Variants in FBXL17 observed in about 807,000 individuals in gnomAD.
The protein encoded by FBXL17 is F-box and leucine rich repeat protein 17, also known as F-box/LRR-repeat protein 17.
Under a neutral mutation model 66.2 loss-of-function variants are expected in FBXL17, and 22 were observed. That is an observed-to-expected ratio of 0.33 (90% CI 0.24 to 0.47). FBXL17 has a LOEUF of 0.47. FBXL17 is among the 20% of genes least tolerant of loss of function. The pLI, the probability that FBXL17 is intolerant of heterozygous loss-of-function variation, is 1.00. For missense variants in FBXL17, 878 were observed against 948.2 expected (o/e 0.93, Z 0.97); for synonymous variants, 474 against 400.5 (o/e 1.18, Z -2.19).
chr5:108,234,065 T>C (rs1428868994), intron 4 of FBXL17, among the ~76,000 whole-genome samples: 1 of 152,004 alleles, frequency 6.6e-6, no homozygotes, highest in Non-Finnish European at 1.5e-5. Flanking sequence ...GTGGCAGAAA[T>C]GGCCATATAT....
At chr5:108,162,063 A>G (rs1326442934) in intron 6 of FBXL17, among the ~76,000 whole-genome samples, 1 of 152,266 alleles carries the variant, frequency 6.6e-6, no homozygotes, top group African/African-American at 2.4e-5. Flanking sequence ...TTATTGCTAA[A>G]TTATAAACTC....
chr5:107,871,069 A>AAAAAAAAAAAAAAAAAAAAAAAC (rs1456052737), intron 8 of FBXL17, among the ~76,000 whole-genome samples: 70 of 130,200 alleles, frequency 5.4e-4, no homozygotes, highest in African/African-American at 2.2e-3. Flanking sequence ...AAAAAAAAAA[A>AAAAAAAAAAAAAAAAAAAAAAAC]AAAAAAAAAA....
intron 3 of FBXL17, among the ~76,000 whole-genome samples, chr5:108,359,841 T>G (rs1259136759): frequency 6.6e-6 from 1 of 152,068 alleles, no homozygotes; most frequent in Non-Finnish European, 1.5e-5. Flanking sequence ...TCTGCTTCTT[T>G]GTTAATCTTC....
At chr5:108,054,181 T>C (rs760974374) in intron 6 of FBXL17, among the ~76,000 whole-genome samples, 7 of 151,790 alleles carry the variant, frequency 4.6e-5, no homozygotes, top group South Asian at 2.1e-4. Context: ...ATGGCACATG[T>C]GTACCTGTGT....
intron 7 of FBXL17, among the ~76,000 whole-genome samples, chr5:108,011,335 G>A (rs1754161717): frequency 6.6e-6 from 1 of 152,140 alleles, no homozygotes; most frequent in African/African-American, 2.4e-5. Context: ...TAGAAGAAAG[G>A]GATGCAGCTC....
chr5:108,367,742 AAAC>A, intron 2 of FBXL17, 86 bp downstream of exon 2: 1 of 1,158,714 alleles, frequency 8.6e-7, no homozygotes, highest in Non-Finnish European at 1.2e-6. Flanking sequence ...CTATCTTAAA[AAAC>A]AAGAAGACAG....
At position 108,232,804 on chromosome 5, in the gene FBXL17, T is replaced by TAA. The variant is rs1554077867; in HGVS notation, c.1507-8578_1507-8577dup. Among the ~76,000 whole-genome samples, 30 of 112,038 alleles carry TAA rather than the reference T, an allele frequency of 2.7e-4. No individual in the cohort carries two copies. In the Middle Eastern group the frequency reaches 0.018, roughly 66 times the overall value. 73.5% of individuals were successfully genotyped at this position (112,038 alleles called of 152,430 possible). ...TCACATATATATATATATATATATA[T>TAA]AATATATACTATTAGTTCTGTCCCT... On this transcript the variant is annotated intron_variant, in intron 4 of 8. Coordinates refer to ENST00000542267, the MANE Select transcript of FBXL17 (RefSeq NM_001163315.3).
At chr5:108,198,937 A>G in intron 5 of FBXL17, among the ~76,000 whole-genome samples, 1 of 152,264 alleles carries the variant, frequency 6.6e-6, no homozygotes, top group South Asian at 2.1e-4. Context: ...AAAGATGATA[A>G]AAGTATTTTT....
At chr5:108,020,317 TTTTC>T (rs1359525174) in intron 7 of FBXL17, among the ~76,000 whole-genome samples, 3 of 152,014 alleles carry the variant, frequency 2.0e-5, no homozygotes, top group Non-Finnish European at 2.9e-5. Context: ...GCTAGGTTAT[TTTTC>T]TTTATTACTG....
At chr5:108,374,715 G>A (rs1390737616) in intron 1 of FBXL17, among the ~76,000 whole-genome samples, 1 of 151,904 alleles carries the variant, frequency 6.6e-6, no homozygotes, top group African/African-American at 2.4e-5. Flanking sequence ...GGGAGGTGAG[G>A]AAAGAGGAGG....
At chr5:108,365,863 A>G (rs1227650941) in intron 2 of FBXL17, among the ~76,000 whole-genome samples, 1 of 152,126 alleles carries the variant, frequency 6.6e-6, no homozygotes, top group Non-Finnish European at 1.5e-5. Context: ...AGAAAACACC[A>G]ACAAAGGATA....
intron 1 of FBXL17, among the ~76,000 whole-genome samples, chr5:108,371,380 A>T (rs1222232824): frequency 6.6e-6 from 1 of 152,240 alleles, no homozygotes. Flanking sequence ...TATCTCTGAG[A>T]GAAACTCCAT....
At chr5:108,092,386 C>G (rs1749219469) in intron 6 of FBXL17, among the ~76,000 whole-genome samples, 1 of 152,082 alleles carries the variant, frequency 6.6e-6, no homozygotes, top group Non-Finnish European at 1.5e-5. Context: ...GGCTCACAGC[C>G]TGGACTTCCT....
chr5:108,358,169 A>C (rs963471782), intron 3 of FBXL17, among the ~76,000 whole-genome samples: 3 of 152,050 alleles, frequency 2.0e-5, no homozygotes, highest in Non-Finnish European at 2.9e-5. Context: ...GAAGCATTTT[A>C]TTTCTTTTTC....
In FBXL17 at chr5:108,314,668, A is replaced by C. The variant is rs554093288; in HGVS notation, c.1506+33731T>G. Among the ~76,000 whole-genome samples, 6 of 151,610 alleles carry C rather than the reference A, an allele frequency of 4.0e-5. No individual in the cohort carries two copies. The South Asian group carries it at 6.2e-4, about 16-fold the overall frequency. On this transcript the variant is annotated intron_variant, in intron 4 of 8. Transcript: ENST00000542267. ...AAGAACAACCAGAAAAAAAAATCAA[A>C]GTGTCTGAAATTACTACTTCTAAGA...
chr5:108,063,462 G>C lies in FBXL17; in HGVS notation c.1746-42461C>G, dbSNP rs193209024. ...AACGATCCAGTAACCTAACCTTAGCGTGGCTTTCAAAAACCAGAACTGTCA... is the reference window on the plus strand; with the variant it reads ...AACGATCCAGTAACCTAACCTTAGCCTGGCTTTCAAAAACCAGAACTGTCA... On this transcript the variant is annotated intron_variant, in intron 6 of 8. Coordinates refer to ENST00000542267, the MANE Select transcript of FBXL17 (RefSeq NM_001163315.3). 2.9e-3 allele frequency among the ~76,000 whole-genome samples: 446 copies of C among 152,242 alleles called. 3 individuals are homozygous for C. Among genetic ancestry groups the C allele is most frequent in the African/African-American group, 0.01 (418 of 41,548 alleles).
chr5:108,258,120 T>C (rs772318671), intron 4 of FBXL17, among the ~76,000 whole-genome samples: 3 of 152,142 alleles, frequency 2.0e-5, no homozygotes, highest in Non-Finnish European at 4.4e-5. Context: ...AGACTGTATC[T>C]GGAGATAGGG....
chr5:108,125,645 G>C (rs548917077), intron 6 of FBXL17, among the ~76,000 whole-genome samples: 4 of 152,012 alleles, frequency 2.6e-5, no homozygotes, highest in Non-Finnish European at 5.9e-5. Flanking sequence ...AGATAGTTTT[G>C]ATGGAACGTG....
chr5:107,969,783 T>A (rs1752299108), intron 7 of FBXL17, among the ~76,000 whole-genome samples: 1 of 152,110 alleles, frequency 6.6e-6, no homozygotes, highest in Non-Finnish European at 1.5e-5. Context: ...AGAACCTAAT[T>A]TCCATAAAAC....
Sources: allele counts gnomAD v4.1 joint callset (sites outside exome capture counted in the v4.1 genomes callset), GRCh38; gene constraint gnomAD v4.1.1; transcripts MANE v1.5; gene names NCBI Gene and HGNC (gene_info 2026-07-23, HGNC 2026-07-21).